THSD7B: variants seen among roughly 807,000 people sequenced by gnomAD.
THSD7B encodes the protein thrombospondin type-1 domain-containing protein 7B.
A neutral mutation model predicts 213.6 loss-of-function variants in THSD7B; 138 were observed. That is an observed-to-expected ratio of 0.65 (90% CI 0.56 to 0.74). THSD7B has a LOEUF of 0.74. Among genes scored for constraint, THSD7B ranks in the 30% least tolerant of loss-of-function variants. THSD7B has a pLI of 0.00. For missense variants in THSD7B, 1,931 were observed against 1,991.5 expected (o/e 0.97, Z 0.58); for synonymous variants, 742 against 687.0 (o/e 1.08, Z -1.25).
chr2:136,855,137 A>G (rs936467822), intron 1 of THSD7B, among the ~76,000 whole-genome samples: 1 of 151,928 alleles, frequency 6.6e-6, no homozygotes, highest in African/African-American at 2.4e-5. Context: ...TCCTTTATAG[A>G]GATATATCTC....
intron 5 of THSD7B, among the ~76,000 whole-genome samples, chr2:137,139,116 T>G (rs899425083): frequency 3.3e-5 from 5 of 152,186 alleles, no homozygotes; most frequent in Non-Finnish European, 7.3e-5. Flanking sequence ...TTCCTTTCAT[T>G]GTAAAGGAAT....
chr2:137,501,772 C>T (rs922133102), intron 15 of THSD7B, among the ~76,000 whole-genome samples: 4 of 152,152 alleles, frequency 2.6e-5, no homozygotes, highest in African/African-American at 9.7e-5. Context: ...TCTGGGTTAG[C>T]AAGGAAATTA....
intron 12 of THSD7B, among the ~76,000 whole-genome samples, chr2:137,278,236 G>C (rs530949137): frequency 6.6e-6 from 1 of 152,098 alleles, no homozygotes. Context: ...CCCATATCAA[G>C]GCTTGTCACT....
At position 137,658,645 on chromosome 2, in the gene THSD7B, G is replaced by A. The variant is rs113337257; in HGVS notation, c.4376-1019G>A. 6.6e-3 allele frequency among the ~76,000 whole-genome samples: 1,008 copies of A among 152,190 alleles called. 11 individuals carry two copies. Among genetic ancestry groups the A allele is most frequent in the African/African-American group, 0.023 (960 of 41,530 alleles). On this transcript the variant is annotated intron_variant, in intron 24 of 27. Transcript: ENST00000409968. ...CTGTGTGGTTATTGCCACTAACACCGAAATTATCAATTTCACACCTAGATG... is the reference window on the plus strand; with the variant it reads ...CTGTGTGGTTATTGCCACTAACACCAAAATTATCAATTTCACACCTAGATG...
At chr2:137,467,416 G>T (rs1688017067) in intron 15 of THSD7B, among the ~76,000 whole-genome samples, 1 of 152,094 alleles carries the variant, frequency 6.6e-6, no homozygotes. Flanking sequence ...GATTGAGTAG[G>T]TCTGGGGAAA....
intron 2 of THSD7B, among the ~76,000 whole-genome samples, chr2:136,955,661 G>A (rs1283024403): frequency 3.9e-5 from 6 of 152,096 alleles, no homozygotes; most frequent in Admixed American, 2.6e-4. Flanking sequence ...TTCTTAGAAC[G>A]TTGCATCTGA....
chr2:137,125,719 C>G (rs557355583), intron 5 of THSD7B, among the ~76,000 whole-genome samples: 1 of 152,252 alleles, frequency 6.6e-6, no homozygotes, highest in South Asian at 2.1e-4. Context: ...ATTTCATTTT[C>G]AATTATTTCA....
intron 12 of THSD7B, among the ~76,000 whole-genome samples, chr2:137,388,775 T>A (rs1012664026): frequency 2.6e-5 from 4 of 152,152 alleles, no homozygotes; most frequent in Non-Finnish European, 4.4e-5. Flanking sequence ...TTATTTGTCT[T>A]TCTGCACCTG....
At chr2:137,119,471 A>G (rs1319472685) in intron 5 of THSD7B, among the ~76,000 whole-genome samples, 1 of 152,202 alleles carries the variant, frequency 6.6e-6, no homozygotes, top group Admixed American at 6.5e-5. Context: ...CCCAAGAGTA[A>G]TCTTCATTGA....
rs540135503 is a variant in THSD7B, at chr2:136,782,795, T to G, written c.-36+17108T>G. Among the ~76,000 whole-genome samples, 23 of 152,274 alleles carry G rather than the reference T, an allele frequency of 1.5e-4. No homozygotes were observed. In the South Asian group the frequency reaches 3.7e-3, roughly 25 times the overall value. On this transcript the variant is annotated intron_variant, in intron 1 of 27. Coordinates refer to ENST00000409968, the MANE Select transcript of THSD7B (RefSeq NM_001316349.2). ...AATACAAAAATTATAACTATGTGAGTTAATGCATGTGTTAATTAGCTAGAT... is the reference window on the plus strand; with the variant it reads ...AATACAAAAATTATAACTATGTGAGGTAATGCATGTGTTAATTAGCTAGAT...
intron 12 of THSD7B, among the ~76,000 whole-genome samples, chr2:137,390,263 C>T (rs1685990439): frequency 6.6e-6 from 1 of 151,976 alleles, no homozygotes; most frequent in African/African-American, 2.4e-5. Context: ...TAGTTCACCT[C>T]CTTGGTTAAA....
In THSD7B at chr2:137,616,243, T is replaced by C. The variant is rs1240623698; in HGVS notation, c.3492T>C (p.Thr1164=). The change falls in exon 18 of 28, where the codon ACT becomes ACC. Residue 1164 remains threonine, a synonymous_variant. Coordinates refer to ENST00000409968, the MANE Select transcript of THSD7B (RefSeq NM_001316349.2). ...HLLRPSLNSR[T]CAEDSQVQPC... ...TAAGACCATCACTGAACTCAAGGAC[T>C]TGTGCTGAAGACTCACAGGTGCAGC... The C allele has an allele frequency of 6.2e-7, 1 of 1,613,866 alleles. No homozygotes were observed. The highest frequency in any genetic ancestry group is 2.2e-5 in the East Asian group (1 of 44,884).
intron 7 of THSD7B, among the ~76,000 whole-genome samples, chr2:137,200,435 AT>A (rs34450110): frequency 0.83 from 126,560 of 151,860 alleles, 53,674 homozygotes; most frequent in Middle Eastern, 0.94. Context: ...TTTGTCAAGT[AT>A]TTTTTTTAAT....
chr2:137,293,205 C>A (rs541420326), intron 12 of THSD7B, among the ~76,000 whole-genome samples: 1 of 152,008 alleles, frequency 6.6e-6, no homozygotes, highest in African/African-American at 2.4e-5. Flanking sequence ...GAGGCACAAT[C>A]ATGGCTCACT....
At chr2:137,578,301 C>T (rs1173304944) in intron 17 of THSD7B, among the ~76,000 whole-genome samples, 2 of 152,130 alleles carry the variant, frequency 1.3e-5, no homozygotes, top group Non-Finnish European at 2.9e-5. Flanking sequence ...TATATGGGAC[C>T]TCCTGGAGTT....
Position 137,056,607 on chromosome 2 carries a change from T to C in THSD7B, c.327T>C (p.Ser109=). 6.2e-7 allele frequency: 1 copy of C among 1,613,986 alleles called. No individual in the cohort carries two copies. Among genetic ancestry groups the C allele is most frequent in the Non-Finnish European group, 8.5e-7 (1 of 1,179,876 alleles). The part of the protein sequence containing the change: ...WHSDLFQWEV[S]DWHHCVLVPY... ...GTGACCTCTTTCAGTGGGAGGTTTC[T>C]GACTGGCACCACTGTGTGCTTGTTC... The change falls in exon 3 of 28, where the codon TCT becomes TCC. Residue 109 remains serine, a synonymous_variant. Transcript: ENST00000409968.
chr2:136,816,595 G>A (rs991549810), intron 1 of THSD7B, among the ~76,000 whole-genome samples: 8 of 152,080 alleles, frequency 5.3e-5, no homozygotes, highest in African/African-American at 1.9e-4. Context: ...TTCATCCTTG[G>A]TTACATTTCT....
At chr2:137,404,472 T>TACACACACACAC (rs1274761285) in intron 12 of THSD7B, among the ~76,000 whole-genome samples, 21 of 56,786 alleles carry the variant, frequency 3.7e-4, no homozygotes, top group African/African-American at 1.7e-3. Flanking sequence ...TATATATATA[T>TACACACACACAC]ATACACACAC....
chr2:137,480,858 C>A (rs1020715158), intron 15 of THSD7B, among the ~76,000 whole-genome samples: 7 of 152,234 alleles, frequency 4.6e-5, no homozygotes, highest in Non-Finnish European at 1.0e-4. Context: ...TTCCCAGAAG[C>A]ACGAAGTGCT....
Sources: allele counts gnomAD v4.1 joint callset (sites outside exome capture counted in the v4.1 genomes callset), GRCh38; gene constraint gnomAD v4.1.1; transcripts MANE v1.5; gene names NCBI Gene and HGNC (gene_info 2026-07-23, HGNC 2026-07-21).